Variants in ALX1 observed in about 807,000 individuals in gnomAD.
ALX1 encodes ALX homeobox protein 1.
In ALX1, 19 loss-of-function variants were observed where a neutral mutation model predicts 31.7. That is an observed-to-expected ratio of 0.60 (90% CI 0.42 to 0.88). ALX1 has a LOEUF of 0.88. Among genes scored for constraint, ALX1 ranks in the 40% least tolerant of loss-of-function variants. The probability of loss-of-function intolerance (pLI) is 0.00; values close to 1 mark genes in which losing one functional copy is unlikely to be tolerated. For missense variants in ALX1, 415 were observed against 407.8 expected, an observed-to-expected ratio of 1.02 and a Z score of -0.15; for synonymous variants, 153 against 148.8, an observed-to-expected ratio of 1.03 and a Z score of -0.20.
In ALX1 at chr12:85,284,818, A is replaced by G. The variant is rs372134825; in HGVS notation, c.531+942A>G. On this transcript the variant is annotated intron_variant, in intron 2 of 3. Transcript: ENST00000316824. ...TGTGTTCTGACTCCTCTACAAAAGT[A>G]TTGATTTTTGCAATTCCCATAAACT... is the stretch of plus-strand genomic sequence containing the variant. 7.2e-5 allele frequency among the ~76,000 whole-genome samples: 11 copies of G among 152,124 alleles called. No individual in the cohort carries two copies. The East Asian group carries it at 1.3e-3, about 19-fold the overall frequency.
chr12:85,282,980 G>T (rs1896698236), intron 1 of ALX1, among the ~76,000 whole-genome samples: 1 of 151,994 alleles, frequency 6.6e-6, no homozygotes. Flanking sequence ...TGTCAATTTA[G>T]TAGATTATTT....
chr12:85,286,559 CTAATTGCTTTT>C (rs1447488107), intron 2 of ALX1, among the ~76,000 whole-genome samples: 2 of 151,826 alleles, frequency 1.3e-5, no homozygotes, highest in African/African-American at 2.4e-5. Flanking sequence ...ATCATATAAT[CTAATTGCTTTT>C]TGTTTTCCAT....
At chr12:85,280,547 A>G in intron 1 of ALX1, 60 bp downstream of exon 1, 6 of 1,551,692 alleles carry the variant, frequency 3.9e-6, no homozygotes, top group Non-Finnish European at 5.3e-6. Context: ...AAAATGCAGG[A>G]TCGGTCTGAT....
chr12:85,294,668 T>C (rs1183472749), intron 3 of ALX1, among the ~76,000 whole-genome samples: 1 of 151,200 alleles, frequency 6.6e-6, no homozygotes, highest in Non-Finnish European at 1.5e-5. Context: ...TAAAATTTCT[T>C]ATTAAGCTTC....
chr12:85,282,623 C>T (rs968797500), intron 1 of ALX1, among the ~76,000 whole-genome samples: 25 of 152,264 alleles, frequency 1.6e-4, no homozygotes, highest in African/African-American at 5.8e-4. Context: ...TCCCATTTCA[C>T]TATGTGCATC....
At chr12:85,288,936 A>G (rs1165721566) in intron 3 of ALX1, among the ~76,000 whole-genome samples, 1 of 151,484 alleles carries the variant, frequency 6.6e-6, no homozygotes, top group Non-Finnish European at 1.5e-5. Context: ...AGAATGGTTT[A>G]TATCATTTTG....
In ALX1 at chr12:85,281,492, A is replaced by T. The variant is rs181293458; in HGVS notation, c.226+1005A>T. 7.2e-5 allele frequency among the ~76,000 whole-genome samples: 11 copies of T among 152,328 alleles called. No individual in the cohort carries two copies. The East Asian group carries it at 1.5e-3, about 21-fold the overall frequency. On this transcript the variant is annotated intron_variant, in intron 1 of 3. Transcript: ENST00000316824. ...ACGAATTAAGTGTGAAATATTTACA[A>T]CAAGCCCCCTGCCCCCTATTTTATA...
chr12:85,285,755 T>C (rs996287772), intron 2 of ALX1, among the ~76,000 whole-genome samples: 1 of 151,966 alleles, frequency 6.6e-6, no homozygotes, highest in African/African-American at 2.4e-5. Context: ...ATTTCTAGCC[T>C]TTTTCCTAAA....
intron 3 of ALX1, among the ~76,000 whole-genome samples, chr12:85,294,319 AT>A (rs1896857926): frequency 6.6e-6 from 1 of 151,122 alleles, no homozygotes; most frequent in African/African-American, 2.4e-5. Flanking sequence ...TCATACATGT[AT>A]TAAAATACAT....
intron 2 of ALX1, among the ~76,000 whole-genome samples, chr12:85,284,235 G>A (rs566563799): frequency 2.8e-5 from 4 of 140,920 alleles, no homozygotes; most frequent in East Asian, 2.1e-4. Flanking sequence ...TTTTTTTTTC[G>A]GTTTTATTAG....
chr12:85,283,780 G>A lies in ALX1; in HGVS notation c.435G>A (p.Glu145=), dbSNP rs1234128311. Residue 145 remains glutamate, a synonymous_variant, in exon 2 of 4, where the codon GAG becomes GAA. Coordinates refer to ENST00000316824, the MANE Select transcript of ALX1 (RefSeq NM_006982.3). ...CCACCTTCACCAGTTTGCAGCTAGA[G>A]GAGCTGGAGAAAGTCTTTCAGAAAA... ...HRTTFTSLQL[E]ELEKVFQKTH... is the part of the protein sequence containing the mutation. 6.2e-6 allele frequency: 10 copies of A among 1,614,052 alleles called. No individual in the cohort carries two copies. Among genetic ancestry groups the A allele is most frequent in the Middle Eastern group, 1.6e-4 (1 of 6,084 alleles).
At position 85,299,133 on chromosome 12, in the gene ALX1, CT is replaced by C. The variant is rs879936173; in HGVS notation, c.661-2009del. 7.4e-3 allele frequency among the ~76,000 whole-genome samples: 1,021 copies of C among 138,686 alleles called. 5 individuals carry two copies. Among genetic ancestry groups the C allele is most frequent in the African/African-American group, 0.017 (639 of 38,208 alleles). 91.0% of individuals were successfully genotyped at this position (138,686 alleles called of 152,430 possible). On this transcript the variant is annotated intron_variant, in intron 3 of 3. Transcript: ENST00000316824. ...CCTTCTCTTTCATTATGTTGTCTTC[CT>C]TTTTTTTTTTTTAAGTAAGCAAGCA...
At position 85,301,696 on chromosome 12, in the gene ALX1, T is replaced by C; in HGVS notation, c.*221T>C. Reference sequence around the variant, plus strand: ...ACCATGTGCCAGTCTCCACAAACCCTGTTTTAGTAGTAAGGTTTTCTTTTT... The same window carrying C: ...ACCATGTGCCAGTCTCCACAAACCCCGTTTTAGTAGTAAGGTTTTCTTTTT... On this transcript the variant is annotated 3_prime_UTR_variant, in exon 4 of 4. Transcript: ENST00000316824. The C allele has an allele frequency of 1.7e-6, 1 of 586,494 alleles. No individual in the cohort carries two copies. The allele number at this position is 586,494 out of a possible 1,614,324, so 36.3% of individuals were successfully genotyped here. A position where few individuals can be genotyped will look rare whatever the true frequency, so the allele number is the denominator to read the frequency against.
At chr12:85,298,754 C>A (rs1896921818) in intron 3 of ALX1, among the ~76,000 whole-genome samples, 2 of 151,656 alleles carry the variant, frequency 1.3e-5, no homozygotes, top group South Asian at 4.1e-4. Context: ...GTCTGTTCTG[C>A]CCAGAAAAAC....
At chr12:85,288,545 G>T (rs1593049578) in intron 3 of ALX1, among the ~76,000 whole-genome samples, 1 of 151,344 alleles carries the variant, frequency 6.6e-6, no homozygotes, top group South Asian at 2.1e-4. Context: ...TCCCCTCTAG[G>T]CTGCAAGCTC....
At chr12:85,294,106 T>A (rs939540826) in intron 3 of ALX1, among the ~76,000 whole-genome samples, 3 of 151,248 alleles carry the variant, frequency 2.0e-5, no homozygotes, top group Non-Finnish European at 4.4e-5. Context: ...CATAAATGAC[T>A]CCAAGCAAGA....
chr12:85,287,370 T>G (rs1371891123), intron 3 of ALX1, among the ~76,000 whole-genome samples: 1 of 151,556 alleles, frequency 6.6e-6, no homozygotes, highest in Non-Finnish European at 1.5e-5. Context: ...GTGGATATTG[T>G]TTTATGAACT....
chr12:85,286,057 GT>G (rs1896742321), intron 2 of ALX1, among the ~76,000 whole-genome samples: 1 of 151,812 alleles, frequency 6.6e-6, no homozygotes, highest in South Asian at 2.1e-4. Flanking sequence ...TTGACACTTG[GT>G]TCTATCTGCC....
At chr12:85,286,819 T>C in intron 2 of ALX1, 34 bp from the exon 3 acceptor site, 1 of 1,518,908 alleles carries the variant, frequency 6.6e-7, no homozygotes, top group African/African-American at 1.4e-5. Context: ...CAAATATTCC[T>C]TAGCTAAAAT....
Sources: gnomAD v4.1 joint callset for allele counts (sites outside exome capture counted in the v4.1 genomes callset) on GRCh38, gnomAD v4.1.1 for gene constraint, MANE v1.5 for transcripts, NCBI Gene and HGNC (gene_info 2026-07-23, HGNC 2026-07-21) for gene names.